Variants in ZSWIM2 observed in about 807,000 individuals in gnomAD.
ZSWIM2 encodes E3 ubiquitin-protein ligase ZSWIM2.
A neutral mutation model predicts 48.4 loss-of-function variants in ZSWIM2; 38 were observed. That is an observed-to-expected ratio of 0.79 (90% CI 0.61 to 1.03). ZSWIM2 has a LOEUF of 1.03. Ranked by LOEUF, ZSWIM2 falls within the 50% of genes least tolerant of loss-of-function variation. The probability of loss-of-function intolerance (pLI) is 0.00; values close to 1 mark genes in which losing one functional copy is unlikely to be tolerated. For synonymous variants in ZSWIM2, 240 were observed against 251.3 expected (o/e 0.96, Z 0.42); for missense variants, 776 against 730.2 (o/e 1.06, Z -0.72).
At chr2:186,832,690 G>A (rs59495718) in intron 7 of ZSWIM2, among the ~76,000 whole-genome samples, 558 of 151,252 alleles carry the variant, frequency 3.7e-3, no homozygotes, top group African/African-American at 0.013. Flanking sequence ...CATTTATGTC[G>A]ATGATTATTT....
At chr2:186,847,689 T>C (rs750224563) in intron 2 of ZSWIM2, 30 bp downstream of exon 2, 1 of 1,525,162 alleles carries the variant, frequency 6.6e-7, no homozygotes. Flanking sequence ...TGTTCCTTCA[T>C]GGAAGATCTT....
Position 186,837,538 on chromosome 2 carries a change from T to C in ZSWIM2, c.511A>G (p.Ser171Gly). The C allele has an allele frequency of 6.2e-7, 1 of 1,610,062 alleles. No individual in the cohort carries two copies. Reference sequence around the variant, plus strand: ...ATCTTCATGCATTTTATATGAATACTATTGCCACAGCCAAACCTATGAGAG... The same window carrying C: ...ATCTTCATGCATTTTATATGAATACCATTGCCACAGCCAAACCTATGAGAG... ...VTFCRFGCGN[S>G]IHIKCMKILA... The change falls in exon 5 of 9, where the codon AGT becomes GGT. Residue 171 changes from serine (S) to glycine (G), a missense_variant. Coordinates refer to ENST00000295131, the MANE Select transcript of ZSWIM2 (RefSeq NM_182521.3).
rs771792795 is a variant in ZSWIM2 at position 186,833,169 on chromosome 2, T to C, written c.892A>G (p.Thr298Ala). Residue 298 changes from threonine (T) to alanine (A), a missense_variant, in exon 7 of 9, where the codon ACT becomes GCT. Thr to Ala is a moderately conservative substitution (Grantham distance 58). Coordinates refer to ENST00000295131, the MANE Select transcript of ZSWIM2 (RefSeq NM_182521.3). Reference sequence around the variant, plus strand: ...ATCTTTTCTTCAATCTCATTTTTAGTATCTATGTATTTTACAACTTCATCT... The same window carrying C: ...ATCTTTTCTTCAATCTCATTTTTAGCATCTATGTATTTTACAACTTCATCT... ...RADEVVKYID[T>A]KNEIEEKMSH... The C allele has an allele frequency of 6.5e-7, 1 of 1,528,332 alleles. No homozygotes were observed. The highest frequency in any genetic ancestry group is 8.8e-7 in the Non-Finnish European group (1 of 1,141,086). The allele number at this position is 1,528,332 out of a possible 1,614,324, so 94.7% of individuals were successfully genotyped here.
At position 186,827,960 on chromosome 2, in the gene ZSWIM2, A is replaced by G. The variant is rs1249939790; in HGVS notation, c.*24T>C. 4.0e-6 allele frequency: 6 copies of G among 1,504,268 alleles called. No homozygotes were observed. Among genetic ancestry groups the G allele is most frequent in the Non-Finnish European group, 5.3e-6 (6 of 1,124,212 alleles). The allele number at this position is 1,504,268 out of a possible 1,614,324, so 93.2% of individuals were successfully genotyped here. ...AACATTTTTTTATATTCAACATTCA[A>G]ATATTTTCAGATAGTAAACTTTTTC... is the stretch of plus-strand genomic sequence containing the variant. On this transcript the variant is annotated 3_prime_UTR_variant, in exon 9 of 9. Transcript: ENST00000295131.
chr2:186,830,833 G>C (rs1411547746), intron 7 of ZSWIM2, among the ~76,000 whole-genome samples: 1 of 151,502 alleles, frequency 6.6e-6, no homozygotes, highest in African/African-American at 2.4e-5. Context: ...ATCTTTAAGA[G>C]AAAAAAAAGC....
chr2:186,844,059 T>G (rs376185090), intron 3 of ZSWIM2, among the ~76,000 whole-genome samples: 96 of 151,776 alleles, frequency 6.3e-4, no homozygotes, highest in Middle Eastern at 3.4e-3. Flanking sequence ...ATGCAGTTGT[T>G]AGATGGGTCT....
chr2:186,836,574 A>C (rs1691796995), intron 5 of ZSWIM2, among the ~76,000 whole-genome samples: 1 of 152,144 alleles, frequency 6.6e-6, no homozygotes, highest in South Asian at 2.1e-4. Flanking sequence ...ATCATAATGT[A>C]ATTCAAGAAG....
chr2:186,840,900 A>G (rs1691891448), intron 3 of ZSWIM2, among the ~76,000 whole-genome samples: 1 of 151,516 alleles, frequency 6.6e-6, no homozygotes, highest in Non-Finnish European at 1.5e-5. Context: ...TGCTTATAAT[A>G]ATTAAGAAAT....
chr2:186,829,146 T>C (rs763949721), intron 8 of ZSWIM2, among the ~76,000 whole-genome samples: 29 of 152,216 alleles, frequency 1.9e-4, no homozygotes, highest in Middle Eastern at 3.5e-3. Context: ...AACAGTAAAA[T>C]ATAAAATAAC....
At chr2:186,839,331 G>A (rs907478303) in intron 3 of ZSWIM2, among the ~76,000 whole-genome samples, 162 bp from the exon 4 acceptor site, 19 of 151,256 alleles carry the variant, frequency 1.3e-4, no homozygotes, top group African/African-American at 4.4e-4. Context: ...TTTTTTCAGA[G>A]CCAAAATGTC....
In ZSWIM2 at chr2:186,849,053, C is replaced by A. The variant is rs776445399; in HGVS notation, c.78G>T (p.Ala26=). 2.2e-5 allele frequency: 35 copies of A among 1,614,042 alleles called. No homozygotes were observed. The highest frequency in any genetic ancestry group is 2.9e-5 in the Non-Finnish European group (34 of 1,180,028). The change falls in exon 1 of 9, where the codon GCG becomes GCT. Residue 26 remains alanine (A), a synonymous_variant. Coordinates refer to ENST00000295131, the MANE Select transcript of ZSWIM2 (RefSeq NM_182521.3). ...GTAGGAGGTAGATGCTGCTACTCAG[C>A]GCCTGGTCTTGGTGCCAGCTGAGCC... ...SERLSWHQDQ[A]LSSSIYLLRE...
chr2:186,839,318 C>A, intron 3 of ZSWIM2, 149 bp from the exon 4 acceptor site: 2 of 547,582 alleles, frequency 3.7e-6, no homozygotes, highest in South Asian at 4.2e-5. Context: ...CCCTTCTTTA[C>A]ATTTTTTTCA....
At chr2:186,843,695 G>C (rs1691948440) in intron 3 of ZSWIM2, among the ~76,000 whole-genome samples, 1 of 151,550 alleles carries the variant, frequency 6.6e-6, no homozygotes, top group Non-Finnish European at 1.5e-5. Flanking sequence ...CAGTATTTAA[G>C]ATGCCCATGG....
chr2:186,847,811 G>C lies in ZSWIM2; in HGVS notation c.166-16C>G, dbSNP rs894238263. On this transcript the variant is annotated splice_polypyrimidine_tract_variant and intron_variant, in intron 1 of 8. Coordinates refer to ENST00000295131, the MANE Select transcript of ZSWIM2 (RefSeq NM_182521.3). ...CTAGAAAAACCTTTAAAGGAAAAATGCATACTTAAAAAGACCAGTAAAATT... is the reference window on the plus strand; with the variant it reads ...CTAGAAAAACCTTTAAAGGAAAAATCCATACTTAAAAAGACCAGTAAAATT... The C allele has an allele frequency of 6.3e-7, 1 of 1,592,298 alleles. No individual in the cohort carries two copies. Among genetic ancestry groups the C allele is most frequent in the African/African-American group, 1.3e-5 (1 of 74,124 alleles).
rs1691729725 is a variant in ZSWIM2 at position 186,832,977 on chromosome 2, C to T, written c.941+143G>A. The T allele has an allele frequency of 2.0e-5, 7 of 352,194 alleles. No individual in the cohort carries two copies. In the South Asian group the frequency reaches 4.5e-4, roughly 23 times the overall value. 21.8% of individuals were successfully genotyped at this position (352,194 alleles called of 1,614,324 possible). On this transcript the variant is annotated intron_variant, in intron 7 of 8. Transcript: ENST00000295131. ...CTTACTCTACAGCCCTGCTCTTCAA[C>T]TGGATGGTACAATGCCACCTAGTAT...
intron 5 of ZSWIM2, among the ~76,000 whole-genome samples, chr2:186,836,106 C>T (rs554857780): frequency 6.6e-6 from 1 of 152,238 alleles, no homozygotes; most frequent in Non-Finnish European, 1.5e-5. Flanking sequence ...TGATTGTAAG[C>T]ACTGAGAATT....
Position 186,849,003 on chromosome 2 carries a change from A to C in ZSWIM2, c.128T>G (p.Leu43Arg), listed in dbSNP as rs1574144739. The change falls in exon 1 of 9, where the codon CTG (leucine) becomes CGG (arginine). Residue 43 changes from leucine (L) to arginine (R), a missense_variant. Transcript: ENST00000295131. ...LLREMGPTGF[L>R]LREEEPEYMD... ...GTATTCCGGCTCCTCCTCCCTCAGC[A>C]GGAAGCCAGTGGGGCCCATCTCTCG... 2 of 1,614,144 alleles carry C rather than the reference A, an allele frequency of 1.2e-6. No homozygotes were observed. Among genetic ancestry groups the C allele is most frequent in the South Asian group, 2.2e-5 (2 of 91,074 alleles).
chr2:186,827,986 A>T lies in ZSWIM2; in HGVS notation c.1900T>A (p.Ter634ArgextTer9). 1 of 1,548,692 alleles carries T rather than the reference A, an allele frequency of 6.5e-7. No homozygotes were observed. Among genetic ancestry groups the T allele is most frequent in the Non-Finnish European group, 8.7e-7 (1 of 1,152,672 alleles). Residue 634 changes from the stop codon to arginine, a stop_lost, in exon 9 of 9, where the codon TGA becomes AGA. Transcript: ENST00000295131. ...ATATTTTCAGATAGTAAACTTTTTC[A>T]CAATTGAACTCCTTCTATTATTAAA... is the stretch of plus-strand genomic sequence containing the variant. ...LSLIIEGVQL[*>R]
chr2:186,846,668 T>C (rs1692007192), intron 2 of ZSWIM2, among the ~76,000 whole-genome samples: 1 of 151,694 alleles, frequency 6.6e-6, no homozygotes, highest in African/African-American at 2.4e-5. Context: ...TATCAAAAGA[T>C]AGCTGAACTC....
Sources: allele counts gnomAD v4.1 joint callset (sites outside exome capture counted in the v4.1 genomes callset), GRCh38; gene constraint gnomAD v4.1.1; transcripts MANE v1.5; gene names NCBI Gene and HGNC (gene_info 2026-07-23, HGNC 2026-07-21).